The following PIK3C2G variants were observed in gnomAD, a reference collection of about 807,000 sequenced individuals.
The protein encoded by PIK3C2G is phosphatidylinositol 3-kinase C2 domain-containing subunit gamma.
Under a neutral mutation model 181.1 loss-of-function variants are expected in PIK3C2G, and 168 were observed. The ratio of observed to expected loss-of-function variants is 0.93; its 90% confidence interval spans 0.82 to 1.05. The LOEUF (loss-of-function observed/expected upper bound fraction) is 1.05, where lower values mean the gene tolerates loss of function less well. PIK3C2G is among the 50% of genes least tolerant of loss of function. PIK3C2G has a pLI of 0.00. For missense variants in PIK3C2G, 1,869 were observed against 1,732.8 expected (o/e 1.08, Z -1.40); for synonymous variants, 573 against 592.2 (o/e 0.97, Z 0.47).
chr12:18,688,183 T>G, the PIK3C2G span: 1 of 1,610,982 alleles, frequency 6.2e-7, no homozygotes, highest in Non-Finnish European at 8.5e-7. Flanking sequence ...TGTTAGATGA[T>G]GAATGAGTAA....
rs1292683204 is a variant in PIK3C2G at position 18,484,458 on chromosome 12, A to G, written c.2505-3991A>G. On this transcript the variant is annotated intron_variant, in intron 18 of 32. Transcript: ENST00000538779. ...AGGGTATGGATTTAATCATTTTCCG[A>G]ACTTGTTTCCTTTGTGAATAGTTTT... is the stretch of plus-strand genomic sequence containing the variant. Among the ~76,000 whole-genome samples, 4 of 152,172 alleles carry G rather than the reference A, an allele frequency of 2.6e-5. No individual in the cohort carries two copies. The East Asian group carries it at 7.7e-4, about 29-fold the overall frequency.
In PIK3C2G at chr12:18,562,837, C is replaced by T; in HGVS notation, c.3725C>T (p.Thr1242Ile). ...CCTCAGGAATCCTGTTTGCTGAGTA[C>T]AACTAGGTCGATTGAAAGAGCAACA... The part of the protein sequence containing the change: ...TFPQESCLLS[T>I]TRSIERATIL... The change falls in exon 27 of 33, where the codon ACA becomes ATA. Residue 1242 changes from threonine to isoleucine, a missense_variant. Transcript: ENST00000538779. 6.2e-7 allele frequency: 1 copy of T among 1,607,358 alleles called. No homozygotes were observed.
Position 18,343,879 on chromosome 12 carries a change from G to A in PIK3C2G, c.1429+519G>A, listed in dbSNP as rs974398954. Among the ~76,000 whole-genome samples, 4 of 152,142 alleles carry A rather than the reference G, an allele frequency of 2.6e-5. No individual in the cohort carries two copies. The South Asian group carries it at 6.2e-4, about 24-fold the overall frequency. ...CGAGTCTATAAAATTGCAAGCCACG[G>A]GAGGACTTTGCCTCTATAGAAAACA... On this transcript the variant is annotated intron_variant, in intron 10 of 32. Transcript: ENST00000538779.
At chr12:18,247,135 T>A (rs1251523415), upstream of PIK3C2G, among the ~76,000 whole-genome samples, 1 of 152,180 alleles carries the variant, frequency 6.6e-6, no homozygotes, top group Non-Finnish European at 1.5e-5. Context: ...CTAAGTCCCA[T>A]TTCCTAAATA....
At chr12:18,463,047 T>C (rs1313303781) in intron 18 of PIK3C2G, among the ~76,000 whole-genome samples, 1 of 152,152 alleles carries the variant, frequency 6.6e-6, no homozygotes, top group East Asian at 1.9e-4. Flanking sequence ...CTATAAATCA[T>C]GGGATAATTC....
chr12:18,465,277 A>G (rs1419213283), intron 18 of PIK3C2G, among the ~76,000 whole-genome samples: 2 of 151,902 alleles, frequency 1.3e-5, no homozygotes, highest in African/African-American at 4.8e-5. Flanking sequence ...AGTACAACCC[A>G]AACAACTTGT....
chr12:18,483,045 T>C (rs1204875555), intron 18 of PIK3C2G, among the ~76,000 whole-genome samples: 1 of 152,182 alleles, frequency 6.6e-6, no homozygotes, highest in African/African-American at 2.4e-5. Context: ...CAGTCTTAGG[T>C]CTTGGTAGCC....
intron 18 of PIK3C2G, among the ~76,000 whole-genome samples, chr12:18,472,715 T>C (rs1938571760): frequency 6.6e-6 from 1 of 152,146 alleles, no homozygotes; most frequent in Non-Finnish European, 1.5e-5. Context: ...TTATTATTAT[T>C]TGGAGACAAA....
chr12:18,665,775 A>G, the PIK3C2G span, among the ~76,000 whole-genome samples: 1 of 152,038 alleles, frequency 6.6e-6, no homozygotes, highest in African/African-American at 2.4e-5. Context: ...TCTCTAGTAA[A>G]ATACAAAAAA....
At chr12:18,700,315 A>G in the PIK3C2G span, among the ~76,000 whole-genome samples, 2 of 151,868 alleles carry the variant, frequency 1.3e-5, no homozygotes, top group Admixed American at 1.3e-4. Flanking sequence ...AACATTTGCC[A>G]TTTCACAACC....
At chr12:18,371,151 G>C (rs755510016) in intron 12 of PIK3C2G, 29 bp from the exon 13 acceptor site, 1 of 1,571,014 alleles carries the variant, frequency 6.4e-7, no homozygotes, top group South Asian at 1.2e-5. Context: ...AATTGGGTAG[G>C]TAATGCTTCT....
chr12:18,608,785 C>A (rs1948190239), intron 30 of PIK3C2G, among the ~76,000 whole-genome samples: 1 of 151,650 alleles, frequency 6.6e-6, no homozygotes. Context: ...AAATTTAGAC[C>A]TTTTTTCATA....
At chr12:18,711,381 T>A in the PIK3C2G span, among the ~76,000 whole-genome samples, 1 of 84,882 alleles carries the variant, frequency 1.2e-5, no homozygotes, top group Non-Finnish European at 2.1e-5. Context: ...CTGGGGACTG[T>A]TGTGGGGTGG....
chr12:18,570,903 A>G (rs1221431091), intron 29 of PIK3C2G, among the ~76,000 whole-genome samples: 1 of 150,970 alleles, frequency 6.6e-6, no homozygotes, highest in East Asian at 1.9e-4. Flanking sequence ...TTCTTCTAGT[A>G]TTTGAAAGTG....
At chr12:18,292,594 A>G (rs1949761755) in intron 4 of PIK3C2G, among the ~76,000 whole-genome samples, 1 of 152,132 alleles carries the variant, frequency 6.6e-6, no homozygotes, top group African/African-American at 2.4e-5. Flanking sequence ...TGTTGTCTTC[A>G]GTTGCTGGCC....
At chr12:18,513,826 T>C (rs1196951354) in intron 24 of PIK3C2G, among the ~76,000 whole-genome samples, 2 of 151,812 alleles carry the variant, frequency 1.3e-5, no homozygotes, top group Non-Finnish European at 3.0e-5. Context: ...TTTTTTCTGT[T>C]GTTTTTTAGT....
In PIK3C2G at chr12:18,262,116, C is replaced by A. The variant is rs185303536; in HGVS notation, c.-79+539C>A. 2.0e-5 allele frequency among the ~76,000 whole-genome samples: 3 copies of A among 152,146 alleles called. No individual in the cohort carries two copies. The East Asian group carries it at 5.8e-4, about 29-fold the overall frequency. ...CTAGGGAGAAGCTCTGTTCTATTTC[C>A]ATTTCCTCCCTCTGTGCTGCGGTCC... On this transcript the variant is annotated intron_variant, in intron 1 of 32. Transcript: ENST00000538779.
At chr12:18,669,820 G>T in the PIK3C2G span, among the ~76,000 whole-genome samples, 2 of 152,060 alleles carry the variant, frequency 1.3e-5, no homozygotes, top group African/African-American at 4.8e-5. Flanking sequence ...ACCATGCCTG[G>T]CTAATTTTTG....
At chr12:18,454,741 T>C (rs1399337491) in intron 18 of PIK3C2G, among the ~76,000 whole-genome samples, 2 of 152,166 alleles carry the variant, frequency 1.3e-5, no homozygotes, top group African/African-American at 4.8e-5. Context: ...CAGATTCTAT[T>C]CTACTTCTGA....
Sources: gnomAD v4.1 joint callset for allele counts (sites outside exome capture counted in the v4.1 genomes callset) on GRCh38, gnomAD v4.1.1 for gene constraint, MANE v1.5 for transcripts, NCBI Gene and HGNC (gene_info 2026-07-23, HGNC 2026-07-21) for gene names.